AUTS2: variants seen among roughly 807,000 people sequenced by gnomAD.
AUTS2 encodes autism susceptibility gene 2 protein.
In AUTS2, 17 loss-of-function variants were observed where a neutral mutation model predicts 112.4. That is an observed-to-expected ratio of 0.15 (90% CI 0.10 to 0.23). The LOEUF is 0.23. Ranked by LOEUF, AUTS2 falls within the 10% of genes least tolerant of loss-of-function variation. AUTS2 has a pLI of 1.00. For synonymous variants in AUTS2, 751 were observed against 702.7 expected (o/e 1.07, Z -1.09); for missense variants, 1,510 against 1,701.6 (o/e 0.89, Z 1.98).
chr7:69,836,513 T>A (rs1260517562), intron 1 of AUTS2, among the ~76,000 whole-genome samples: 1 of 152,234 alleles, frequency 6.6e-6, no homozygotes. Flanking sequence ...CTTTGGTAAA[T>A]CCTTGTGTGG....
At chr7:69,946,611 C>T (rs926937056) in intron 2 of AUTS2, among the ~76,000 whole-genome samples, 5 of 147,926 alleles carry the variant, frequency 3.4e-5, no homozygotes, top group South Asian at 2.2e-4. Context: ...CACACACGCA[C>T]GCACACAGAG....
At chr7:70,626,488 AT>A in intron 5 of AUTS2, among the ~76,000 whole-genome samples, 1 of 151,796 alleles carries the variant, frequency 6.6e-6, no homozygotes, top group African/African-American at 2.4e-5. Context: ...AATGAAATAT[AT>A]TTTTTAAATA....
chr7:69,636,488 C>A lies in AUTS2; in HGVS notation c.309+36526C>A, dbSNP rs562425554. ...GACCTCAAGTGATCCGCGCCCCCCCCCCCCCTTGGCCTCCCAAAGTGCTAG... is the reference window on the plus strand; with the variant it reads ...GACCTCAAGTGATCCGCGCCCCCCCACCCCCTTGGCCTCCCAAAGTGCTAG... On this transcript the variant is annotated intron_variant, in intron 1 of 18. Coordinates refer to ENST00000342771, the MANE Select transcript of AUTS2 (RefSeq NM_015570.4). Among the ~76,000 whole-genome samples the A allele has an allele frequency of 9.3e-4, 83 of 89,002 alleles. 27 individuals carry two copies. Among genetic ancestry groups the A allele is most frequent in the African/African-American group, 3.0e-3 (69 of 23,324 alleles). The allele number at this position is 89,002 out of a possible 152,430, so 58.4% of individuals were successfully genotyped here. A position where few individuals can be genotyped will look rare whatever the true frequency, so the allele number is the denominator to read the frequency against.
chr7:70,572,610 A>G (rs911245520), intron 5 of AUTS2, among the ~76,000 whole-genome samples: 1 of 152,196 alleles, frequency 6.6e-6, no homozygotes, highest in African/African-American at 2.4e-5. Flanking sequence ...GAATAAGCAG[A>G]AGTGACTGTG....
chr7:70,214,197 G>T (rs969676388), intron 4 of AUTS2, among the ~76,000 whole-genome samples: 2 of 152,070 alleles, frequency 1.3e-5, no homozygotes, highest in African/African-American at 4.8e-5. Context: ...GCTTAATTAG[G>T]CAAGTTTATT....
At chr7:69,817,965 G>GTGT (rs1790834226) in intron 1 of AUTS2, among the ~76,000 whole-genome samples, 1 of 152,224 alleles carries the variant, frequency 6.6e-6, no homozygotes, top group Non-Finnish European at 1.5e-5. Flanking sequence ...GAGTGGGTCT[G>GTGT]TGAGCTGCAA....
chr7:69,996,151 A>C (rs1366868021), intron 2 of AUTS2, among the ~76,000 whole-genome samples: 3 of 152,134 alleles, frequency 2.0e-5, no homozygotes, highest in African/African-American at 7.2e-5. Flanking sequence ...TATCTGTCAA[A>C]TGTGGGTTGT....
At chr7:69,633,596 T>C (rs967371708) in intron 1 of AUTS2, among the ~76,000 whole-genome samples, 7 of 152,224 alleles carry the variant, frequency 4.6e-5, no homozygotes, top group African/African-American at 1.7e-4. Context: ...CTCCACTCTT[T>C]CCAACATTTG....
At chr7:70,495,621 C>T (rs1172330954) in intron 5 of AUTS2, among the ~76,000 whole-genome samples, 1 of 147,904 alleles carries the variant, frequency 6.8e-6, no homozygotes, top group African/African-American at 2.5e-5. Flanking sequence ...TACACAGTCG[C>T]ACACACACAC....
Position 70,755,050 on chromosome 7 carries a change from C to T in AUTS2, c.743-7820C>T, listed in dbSNP as rs1015283865. Among the ~76,000 whole-genome samples, 4 of 152,242 alleles carry T rather than the reference C, an allele frequency of 2.6e-5. No individual in the cohort carries two copies. The East Asian group carries it at 5.8e-4, about 22-fold the overall frequency. On this transcript the variant is annotated intron_variant, in intron 6 of 18. Coordinates refer to ENST00000342771, the MANE Select transcript of AUTS2 (RefSeq NM_015570.4). Reference sequence around the variant, plus strand: ...TTCCTCCTCCTCCTTCATCAATATTCACCCTTTCCTTTCTGTCCAAATAAT... The same window carrying T: ...TTCCTCCTCCTCCTTCATCAATATTTACCCTTTCCTTTCTGTCCAAATAAT...
At chr7:69,997,114 A>G (rs1470755937) in intron 2 of AUTS2, among the ~76,000 whole-genome samples, 1 of 152,168 alleles carries the variant, frequency 6.6e-6, no homozygotes, top group Admixed American at 6.6e-5. Context: ...TTAAGGTCTG[A>G]AACTATAACT....
At position 69,809,908 on chromosome 7, in the gene AUTS2, C is replaced by G. The variant is rs113801423; in HGVS notation, c.310-89378C>G. ...TCCTGATCCTCTGTCTGCCTTCAGG[C>G]TTGCCTCTGCCCCAATAAAATCAAT... On this transcript the variant is annotated intron_variant, in intron 1 of 18. Coordinates refer to ENST00000342771, the MANE Select transcript of AUTS2 (RefSeq NM_015570.4). Among the ~76,000 whole-genome samples, 904 of 152,320 alleles carry G rather than the reference C, an allele frequency of 5.9e-3. 13 individuals are homozygous for G. Among genetic ancestry groups the G allele is most frequent in the African/African-American group, 0.021 (860 of 41,566 alleles).
intron 1 of AUTS2, among the ~76,000 whole-genome samples, chr7:69,683,395 CAGTCTGCTTTCTGTTAGAAA>C (rs777241475): frequency 1.3e-5 from 2 of 152,170 alleles, no homozygotes; most frequent in Non-Finnish European, 2.9e-5. Context: ...TCTGGTTTTT[CAGTCTGCTTTCTGTTAGAAA>C]AGAAATGTTT....
intron 5 of AUTS2, among the ~76,000 whole-genome samples, chr7:70,644,172 G>T (rs1806017037): frequency 6.6e-6 from 1 of 152,184 alleles, no homozygotes; most frequent in African/African-American, 2.4e-5. Context: ...AGAAAACAAG[G>T]TCATCTATTG....
intron 4 of AUTS2, among the ~76,000 whole-genome samples, chr7:70,385,157 G>T (rs552423885): frequency 7.9e-5 from 12 of 152,096 alleles, no homozygotes; most frequent in Non-Finnish European, 1.8e-4. Context: ...GCACCTCACC[G>T]CACATAATCA....
At chr7:70,204,084 A>G (rs1810449331) in intron 4 of AUTS2, among the ~76,000 whole-genome samples, 1 of 151,886 alleles carries the variant, frequency 6.6e-6, no homozygotes, top group South Asian at 2.1e-4. Flanking sequence ...TCCCTCTTTT[A>G]TGTTTTTATT....
At chr7:70,769,019 C>A (rs1160498554) in intron 10 of AUTS2, among the ~76,000 whole-genome samples, 1 of 151,886 alleles carries the variant, frequency 6.6e-6, no homozygotes, top group Non-Finnish European at 1.5e-5. Context: ...AATAGATCAG[C>A]AAAGACTGAA....
intron 2 of AUTS2, among the ~76,000 whole-genome samples, chr7:70,038,446 C>T (rs763024704): frequency 6.6e-6 from 1 of 152,138 alleles, no homozygotes; most frequent in African/African-American, 2.4e-5. Context: ...GGCAGAGAAA[C>T]GTTGACTGGT....
In AUTS2 at chr7:70,606,651, G is replaced by A. The variant is rs143853895; in HGVS notation, c.691-91918G>A. Reference sequence around the variant, plus strand: ...TGAGGCAGGCAGATCGCCTGAGGTCGGAAGTTCGAGACCAGCCTCATCAAA... The same window carrying A: ...TGAGGCAGGCAGATCGCCTGAGGTCAGAAGTTCGAGACCAGCCTCATCAAA... On this transcript the variant is annotated intron_variant, in intron 5 of 18. Coordinates refer to ENST00000342771, the MANE Select transcript of AUTS2 (RefSeq NM_015570.4). Among the ~76,000 whole-genome samples, 410 of 152,148 alleles carry A rather than the reference G, an allele frequency of 2.7e-3. 8 individuals carry two copies. The East Asian group carries it at 0.042, about 15-fold the overall frequency.
Sources: gnomAD v4.1 joint callset for allele counts (sites outside exome capture counted in the v4.1 genomes callset) on GRCh38, gnomAD v4.1.1 for gene constraint, MANE v1.5 for transcripts, NCBI Gene and HGNC (gene_info 2026-07-23, HGNC 2026-07-21) for gene names.